The following ACO1 variants were observed in gnomAD, a reference collection of about 807,000 sequenced individuals.
ACO1 encodes the protein cytoplasmic aconitate hydratase.
In ACO1, 78 loss-of-function variants were observed where a neutral mutation model predicts 105.1. That is an observed-to-expected ratio of 0.74 (90% CI 0.62 to 0.90). The LOEUF (loss-of-function observed/expected upper bound fraction) is 0.90. Among genes scored for constraint, ACO1 ranks in the 40% least tolerant of loss-of-function variants. The probability of loss-of-function intolerance (pLI) is 0.00; values close to 1 mark genes in which losing one functional copy is unlikely to be tolerated. For missense variants in ACO1, 965 were observed against 1,111.1 expected, an observed-to-expected ratio of 0.87 and a Z score of 1.87; for synonymous variants, 364 against 397.4, an observed-to-expected ratio of 0.92 and a Z score of 1.00.
intron 4 of ACO1, among the ~76,000 whole-genome samples, chr9:32,415,518 C>T (rs989442646): frequency 5.3e-5 from 8 of 152,056 alleles, no homozygotes; most frequent in East Asian, 1.9e-4. Context: ...ATTCTTGGTG[C>T]GCATGCCCGA....
rs773484032 is a variant in ACO1, at chr9:32,436,255, C to T, written c.2105C>T (p.Thr702Ile). 21 of 1,613,988 alleles carry T rather than the reference C, an allele frequency of 1.3e-5. No individual in the cohort carries two copies. The highest frequency in any genetic ancestry group is 2.5e-6 in the Non-Finnish European group (3 of 1,179,946). Residue 702 changes from threonine (T) to isoleucine (I), a missense_variant, in exon 18 of 21, where the codon ACT becomes ATT. Transcript: ENST00000309951. ...TTTCTTGCTTGCCTTCTTAGCCTAA[C>T]TCCACGAGAATTCAACTCCTATGGC... The part of the protein sequence containing the change: ...AARYLTNRGL[T>I]PREFNSYGSR...
intron 1 of ACO1, among the ~76,000 whole-genome samples, chr9:32,395,432 C>T (rs375405934): frequency 3.4e-4 from 52 of 152,236 alleles, no homozygotes; most frequent in Admixed American, 4.6e-4. Context: ...GCCGAGATTA[C>T]GCCACTGCAT....
chr9:32,391,800 T>A lies in ACO1; in HGVS notation c.-23+7065T>A, dbSNP rs187478838. Among the ~76,000 whole-genome samples, 6 of 152,336 alleles carry A rather than the reference T, an allele frequency of 3.9e-5. No individual in the cohort carries two copies. In the East Asian group the frequency reaches 9.6e-4, roughly 24 times the overall value. Reference sequence around the variant, plus strand: ...CTACATGATTACCAGGTTTGAATTTTTGGTTCAGAACAGATAAGATAAATA... The same window carrying A: ...CTACATGATTACCAGGTTTGAATTTATGGTTCAGAACAGATAAGATAAATA... On this transcript the variant is annotated intron_variant, in intron 1 of 20. Coordinates refer to ENST00000309951, the MANE Select transcript of ACO1 (RefSeq NM_002197.3).
At chr9:32,434,465 T>G in intron 16 of ACO1, 94 bp from the exon 17 acceptor site, 1 of 1,455,214 alleles carries the variant, frequency 6.9e-7, no homozygotes, top group African/African-American at 1.4e-5. Context: ...AACTGTCCTC[T>G]GATTCAGGTC....
chr9:32,418,073 G>T, intron 4 of ACO1, 55 bp from the exon 5 acceptor site: 2 of 1,514,628 alleles, frequency 1.3e-6, no homozygotes, highest in South Asian at 2.3e-5. Context: ...CAATAAATTT[G>T]ACCACTAATA....
intron 1 of ACO1, among the ~76,000 whole-genome samples, chr9:32,388,901 G>A (rs2118321437): frequency 6.6e-6 from 1 of 152,172 alleles, no homozygotes; most frequent in East Asian, 1.9e-4. Context: ...TCTCTGATAG[G>A]AATGTTGCCA....
intron 10 of ACO1, 43 bp from the exon 11 acceptor site, chr9:32,425,795 T>C (rs1404250852): frequency 1.5e-6 from 2 of 1,359,360 alleles, no homozygotes; most frequent in Non-Finnish European, 2.0e-6. Context: ...GTATATCTTA[T>C]ATAAATATAT....
intron 1 of ACO1, among the ~76,000 whole-genome samples, chr9:32,405,028 G>A (rs1486105785): frequency 6.6e-6 from 1 of 152,216 alleles, no homozygotes; most frequent in Non-Finnish European, 1.5e-5. Flanking sequence ...AACTCCCAGA[G>A]AAGGAAGTTG....
chr9:32,393,925 A>G (rs971156620), intron 1 of ACO1, among the ~76,000 whole-genome samples: 2 of 152,062 alleles, frequency 1.3e-5, no homozygotes, highest in African/African-American at 4.8e-5. Context: ...TCCCTGAGTT[A>G]GTCTATACCC....
intron 1 of ACO1, among the ~76,000 whole-genome samples, chr9:32,388,332 C>T (rs1439657779): frequency 1.3e-5 from 2 of 152,106 alleles, no homozygotes; most frequent in African/African-American, 4.8e-5. Flanking sequence ...AGTTCAAGAC[C>T]AACCTGGGCA....
intron 13 of ACO1, 129 bp from the exon 14 acceptor site, chr9:32,430,289 G>C: frequency 2.2e-6 from 2 of 901,954 alleles, no homozygotes; most frequent in South Asian, 4.0e-5. Context: ...CCTCTAGTGG[G>C]AGAGAACCAA....
intron 19 of ACO1, 112 bp from the exon 20 acceptor site, chr9:32,448,784 G>A: frequency 9.2e-7 from 1 of 1,090,438 alleles, no homozygotes; most frequent in Non-Finnish European, 1.4e-6. Flanking sequence ...GCTGCAGACT[G>A]GAGCTGTTCC....
chr9:32,448,791 T>C (rs1822682817), intron 19 of ACO1, 105 bp from the exon 20 acceptor site: 1 of 1,192,896 alleles, frequency 8.4e-7, no homozygotes, highest in Admixed American at 1.7e-5. Context: ...ACTGGAGCTG[T>C]TCCTATTCGG....
intron 15 of ACO1, among the ~76,000 whole-genome samples, chr9:32,432,077 A>G (rs891396066): frequency 6.6e-6 from 1 of 152,110 alleles, no homozygotes; most frequent in African/African-American, 2.4e-5. Flanking sequence ...GACAGCCTAG[A>G]GAAGAAAGGC....
At position 32,427,249 on chromosome 9, in the gene ACO1, GCACCTAGAGCAGGCAGCCTCCCA is replaced by G. The variant is rs543553928; in HGVS notation, c.1349-48_1349-26del. On this transcript the variant is annotated intron_variant, in intron 11 of 20. Transcript: ENST00000309951. ...CAGGCTCTTTTCTGAAGTGTGCCTG[GCACCTAGAGCAGGCAGCCTCCCA>G]CACTGCATCTGTGTTTACCATTTCA... 8.2e-3 allele frequency: 13,149 copies of G among 1,605,220 alleles called. 70 individuals are homozygous for G. The highest frequency in any genetic ancestry group is 9.8e-3 in the Non-Finnish European group (11,554 of 1,174,548).
At chr9:32,385,211 G>A (rs1374301096) in intron 1 of ACO1, among the ~76,000 whole-genome samples, 3 of 152,220 alleles carry the variant, frequency 2.0e-5, no homozygotes, top group Non-Finnish European at 4.4e-5. Context: ...CTTCGTGGGA[G>A]GCTTGAACAC....
At position 32,427,015 on chromosome 9, in the gene ACO1, C is replaced by T. The variant is rs527832387; in HGVS notation, c.1349-286C>T. ...TTAAAAACTCATTTTGTAATATATT[C>T]CTAAATGGTTTTACATTTATCTCTT... is the stretch of plus-strand genomic sequence containing the variant. On this transcript the variant is annotated intron_variant, in intron 11 of 20. Coordinates refer to ENST00000309951, the MANE Select transcript of ACO1 (RefSeq NM_002197.3). 2.5e-3 allele frequency among the ~76,000 whole-genome samples: 385 copies of T among 152,198 alleles called. 2 individuals carry two copies. Among genetic ancestry groups the T allele is most frequent in the Non-Finnish European group, 4.1e-3 (279 of 67,998 alleles).
At position 32,436,366 on chromosome 9, in the gene ACO1, C is replaced by T. The variant is rs1822361852; in HGVS notation, c.2216C>T (p.Pro739Leu). ...LLNRFLNKQA[P>L]QTIHLPSGEI... Reference sequence around the variant, plus strand: ...AACAGATTTTTGAACAAGCAGGCACCACAGACTATCCATCTGCCTTCTGGG... The same window carrying T: ...AACAGATTTTTGAACAAGCAGGCACTACAGACTATCCATCTGCCTTCTGGG... The change falls in exon 18 of 21, where the codon CCA (proline) becomes CTA (leucine). Residue 739 changes from proline to leucine, a missense_variant. Transcript: ENST00000309951. The T allele has an allele frequency of 6.2e-7, 1 of 1,614,172 alleles. No homozygotes were observed.
chr9:32,418,103 T>C, intron 4 of ACO1, 25 bp from the exon 5 acceptor site: 1 of 1,608,316 alleles, frequency 6.2e-7, no homozygotes, highest in Non-Finnish European at 8.5e-7. Flanking sequence ...TCAAATTGTA[T>C]ACATTTAATT....
Sources: gnomAD v4.1 joint callset for allele counts (sites outside exome capture counted in the v4.1 genomes callset) on GRCh38, gnomAD v4.1.1 for gene constraint, MANE v1.5 for transcripts, NCBI Gene and HGNC (gene_info 2026-07-23, HGNC 2026-07-21) for gene names.